Variants in PTPRK observed in about 807,000 individuals in gnomAD.
The protein encoded by PTPRK is receptor-type tyrosine-protein phosphatase kappa.
Under a neutral mutation model 178.0 loss-of-function variants are expected in PTPRK, and 75 were observed. That is an observed-to-expected ratio of 0.42 (90% confidence interval 0.35 to 0.51). The LOEUF (loss-of-function observed/expected upper bound fraction) is 0.51. Ranked by LOEUF, PTPRK falls within the 20% of genes least tolerant of loss-of-function variation. The probability of loss-of-function intolerance (pLI) is 0.02; values close to 1 mark genes in which losing one functional copy is unlikely to be tolerated. For synonymous variants in PTPRK, 637 were observed against 620.6 expected (o/e 1.03, Z -0.39); for missense variants, 1,441 against 1,797.8 (o/e 0.80, Z 3.59).
intron 2 of PTPRK, among the ~76,000 whole-genome samples, chr6:128,350,289 T>C (rs1170685098): frequency 2.6e-5 from 4 of 152,154 alleles, no homozygotes; most frequent in Non-Finnish European, 5.9e-5. Context: ...TATAAAAGTG[T>C]TCTTAATTTT....
Position 128,439,381 on chromosome 6 carries a change from A to G in PTPRK, c.101-41693T>C, listed in dbSNP as rs373575226. On this transcript the variant is annotated intron_variant, in intron 1 of 29. Transcript: ENST00000368226. ...CAGAGTCTGGCCAATATATTTTTTA[A>G]TAAAATAATTCATTAAGAAAAATGG... 4.3e-4 allele frequency among the ~76,000 whole-genome samples: 66 copies of G among 152,324 alleles called. 1 individual carries two copies. In the East Asian group the frequency reaches 0.01, roughly 23 times the overall value.
At chr6:128,265,967 G>A (rs186166740) in intron 3 of PTPRK, among the ~76,000 whole-genome samples, 14 of 152,178 alleles carry the variant, frequency 9.2e-5, no homozygotes, top group African/African-American at 2.9e-4. Context: ...TGCACTGTGA[G>A]AACACAGTGA....
At chr6:128,308,229 T>C (rs1026164412) in intron 3 of PTPRK, among the ~76,000 whole-genome samples, 1 of 151,642 alleles carries the variant, frequency 6.6e-6, no homozygotes, top group Admixed American at 6.6e-5. Context: ...TTAAAGTAAA[T>C]TAAAGAAAAA....
chr6:128,479,488 T>C (rs1220377970), intron 1 of PTPRK, among the ~76,000 whole-genome samples: 15 of 152,162 alleles, frequency 9.9e-5, no homozygotes, highest in Non-Finnish European at 1.5e-5. Flanking sequence ...TGTTTACAGA[T>C]GGTGGTCATG....
intron 5 of PTPRK, among the ~76,000 whole-genome samples, chr6:128,226,799 T>TATATATATATATA (rs1811413418): frequency 2.2e-5 from 3 of 134,700 alleles, no homozygotes; most frequent in Non-Finnish European, 3.2e-5. Context: ...TATATATATA[T>TATATATATATATA]TTCAATAAAA....
At chr6:128,063,233 A>G (rs1343912824) in intron 13 of PTPRK, among the ~76,000 whole-genome samples, 2 of 152,162 alleles carry the variant, frequency 1.3e-5, no homozygotes, top group Non-Finnish European at 2.9e-5. Context: ...TTACCACTTC[A>G]AAGTTTCTGT....
intron 7 of PTPRK, among the ~76,000 whole-genome samples, chr6:128,165,986 A>G (rs1422395975): frequency 1.3e-5 from 2 of 151,676 alleles, no homozygotes; most frequent in African/African-American, 4.8e-5. Context: ...TCTCAGTTAC[A>G]AGAGTATTTC....
intron 3 of PTPRK, among the ~76,000 whole-genome samples, chr6:128,279,121 C>T (rs1821271885): frequency 6.6e-6 from 1 of 151,466 alleles, no homozygotes; most frequent in African/African-American, 2.4e-5. Flanking sequence ...GAGGCTCAGA[C>T]TGTGAGCCAT....
chr6:128,125,960 C>T (rs1475098044), intron 7 of PTPRK, among the ~76,000 whole-genome samples: 1 of 151,802 alleles, frequency 6.6e-6, no homozygotes, highest in Non-Finnish European at 1.5e-5. Context: ...CAATATTTAG[C>T]GTTTTCAGAC....
chr6:128,067,400 C>T, intron 12 of PTPRK, 119 bp downstream of exon 12: 1 of 1,175,898 alleles, frequency 8.5e-7, no homozygotes, highest in Non-Finnish European at 1.1e-6. Flanking sequence ...ACAGAACCCC[C>T]TACATGCAAA....
In PTPRK at chr6:128,081,191, C is replaced by T. The variant is rs145248607; in HGVS notation, c.1777+1246G>A. On this transcript the variant is annotated intron_variant, in intron 10 of 29. Transcript: ENST00000368226. ...CCTATCTCAGTGCATCGTAACATCACCAAGTCTTATTTTCTGGTAAAGTGA... is the reference window on the plus strand; with the variant it reads ...CCTATCTCAGTGCATCGTAACATCATCAAGTCTTATTTTCTGGTAAAGTGA... Among the ~76,000 whole-genome samples, 643 of 152,090 alleles carry T rather than the reference C, an allele frequency of 4.2e-3. 5 individuals are homozygous for T. The highest frequency in any genetic ancestry group is 0.015 in the African/African-American group (604 of 41,500).
intron 7 of PTPRK, among the ~76,000 whole-genome samples, chr6:128,170,904 A>C (rs557130154): frequency 1.6e-5 from 2 of 125,048 alleles, no homozygotes; most frequent in South Asian, 5.0e-4. Context: ...GTAAGAAAGC[A>C]AAAAAAAAAA....
rs769555431 is a variant in PTPRK at position 128,064,742 on chromosome 6, A to G, written c.2194+16T>C. 12 of 1,583,782 alleles carry G rather than the reference A, an allele frequency of 7.6e-6. No homozygotes were observed. Among genetic ancestry groups the G allele is most frequent in the African/African-American group, 1.4e-5 (1 of 72,932 alleles). On this transcript the variant is annotated intron_variant, in intron 13 of 29. Transcript: ENST00000368226. The stretch of plus-strand genomic sequence containing the variant: ...GTGAGAGTAGTTAAAACAAGCAAAA[A>G]AAGCAAACCTCTTACCTTTTGTAGC...
At chr6:128,411,113 G>A (rs145884995) in intron 1 of PTPRK, among the ~76,000 whole-genome samples, 4 of 151,950 alleles carry the variant, frequency 2.6e-5, no homozygotes, top group East Asian at 1.9e-4. Flanking sequence ...GGCTAGTCTC[G>A]AACTTCTGAG....
At chr6:128,298,504 C>T (rs1262402892) in intron 3 of PTPRK, among the ~76,000 whole-genome samples, 1 of 151,872 alleles carries the variant, frequency 6.6e-6, no homozygotes, top group African/African-American at 2.4e-5. Context: ...AGCAGCACAT[C>T]AAAAAGCTTA....
chr6:128,256,041 G>T (rs1038345344), intron 3 of PTPRK, among the ~76,000 whole-genome samples: 2 of 152,160 alleles, frequency 1.3e-5, no homozygotes, highest in African/African-American at 4.8e-5. Flanking sequence ...TATTCAACAA[G>T]AAGAAATTTA....
intron 7 of PTPRK, among the ~76,000 whole-genome samples, chr6:128,178,979 T>C (rs1225974414): frequency 6.6e-6 from 1 of 151,974 alleles, no homozygotes; most frequent in Non-Finnish European, 1.5e-5. Flanking sequence ...TACCTATACA[T>C]TATCCATTAG....
At chr6:128,179,998 A>G (rs572601587) in intron 7 of PTPRK, among the ~76,000 whole-genome samples, 3 of 152,192 alleles carry the variant, frequency 2.0e-5, no homozygotes, top group South Asian at 4.1e-4. Flanking sequence ...GAACTTCAAT[A>G]TAAGAGTAGA....
Position 128,068,132 on chromosome 6 carries a change from G to C in PTPRK, c.1884-340C>G, listed in dbSNP as rs1582833687. ...ACATCATAGATTCAGTTCTTTGTCT[G>C]ATATTTTTAAATGTTTAAAGTTAAC... On this transcript the variant is annotated intron_variant, in intron 11 of 29. Transcript: ENST00000368226. Among the ~76,000 whole-genome samples, 3 of 152,274 alleles carry C rather than the reference G, an allele frequency of 2.0e-5. No homozygotes were observed. In the South Asian group the frequency reaches 6.2e-4, roughly 32 times the overall value.
Sources: gnomAD v4.1 joint callset for allele counts (sites outside exome capture counted in the v4.1 genomes callset) on GRCh38, gnomAD v4.1.1 for gene constraint, MANE v1.5 for transcripts, NCBI Gene and HGNC (gene_info 2026-07-23, HGNC 2026-07-21) for gene names.